Variants in CNBD1 observed in about 807,000 individuals in gnomAD.
The protein encoded by CNBD1 is cyclic nucleotide-binding domain-containing protein 1.
In CNBD1, 71 loss-of-function variants were observed where a neutral mutation model predicts 54.4. That is an observed-to-expected ratio of 1.30 (90% CI 1.08 to 1.59). CNBD1 has a LOEUF of 1.59. Among genes scored for constraint, CNBD1 ranks in the 40% most tolerant of loss-of-function variants. The pLI is 0.00. For missense variants in CNBD1, 659 were observed against 518.0 expected, an observed-to-expected ratio of 1.27 and a Z score of -2.64; for synonymous variants, 182 against 170.7, an observed-to-expected ratio of 1.07 and a Z score of -0.51.
intron 2 of CNBD1, among the ~76,000 whole-genome samples, chr8:87,426,329 A>T (rs976963687): frequency 6.6e-6 from 1 of 152,212 alleles, no homozygotes; most frequent in Admixed American, 6.5e-5. Flanking sequence ...CTATTCGGCC[A>T]TCTTGGCTCT....
chr8:87,328,175 C>A (rs1415103037), intron 8 of CNBD1, among the ~76,000 whole-genome samples: 1 of 151,926 alleles, frequency 6.6e-6, no homozygotes, highest in Non-Finnish European at 1.5e-5. Context: ...TGTGATGTTC[C>A]CTCCCTGTGT....
chr8:86,926,749 C>T (rs1809367697), intron 3 of CNBD1, among the ~76,000 whole-genome samples: 1 of 152,182 alleles, frequency 6.6e-6, no homozygotes, highest in Non-Finnish European at 1.5e-5. Flanking sequence ...CTGCCAAAGA[C>T]TCCACCTGGG....
chr8:87,109,540 CT>C (rs35541466), intron 4 of CNBD1, among the ~76,000 whole-genome samples: 107 of 107,942 alleles, frequency 9.9e-4, no homozygotes, highest in South Asian at 1.3e-3. Flanking sequence ...TTCTTTCTTT[CT>C]TTTTTTTTTT....
chr8:87,309,570 G>A (rs900732602), intron 8 of CNBD1, among the ~76,000 whole-genome samples: 3 of 152,042 alleles, frequency 2.0e-5, no homozygotes, highest in Non-Finnish European at 4.4e-5. Context: ...TCCTGCTCAA[G>A]ACTTACGATA....
At chr8:86,881,655 T>G (rs1224107802) in intron 1 of CNBD1, among the ~76,000 whole-genome samples, 1 of 152,012 alleles carries the variant, frequency 6.6e-6, no homozygotes, top group Non-Finnish European at 1.5e-5. Flanking sequence ...TTCACAAAAT[T>G]AGAAAAAACT....
At position 86,887,617 on chromosome 8, in the gene CNBD1, C is replaced by A; in HGVS notation, c.158+6C>A. The A allele has an allele frequency of 6.4e-7, 1 of 1,561,668 alleles. No individual in the cohort carries two copies. The highest frequency in any genetic ancestry group is 8.7e-7 in the Non-Finnish European group (1 of 1,147,578). Reference sequence around the variant, plus strand: ...CACATTAGAGGACAACACAGGTAAGCTATTCATGCATTTCTTTTTCTGTCA... The same window carrying A: ...CACATTAGAGGACAACACAGGTAAGATATTCATGCATTTCTTTTTCTGTCA... On this transcript the variant is annotated splice_donor_region_variant and intron_variant, in intron 2 of 10. Transcript: ENST00000518476.
intron 8 of CNBD1, among the ~76,000 whole-genome samples, chr8:87,329,311 C>G (rs1452811859): frequency 1.3e-5 from 2 of 152,080 alleles, no homozygotes; most frequent in South Asian, 2.1e-4. Context: ...TACTGCAGCT[C>G]TATTGTAACT....
intron 4 of CNBD1, among the ~76,000 whole-genome samples, chr8:87,039,931 G>A (rs1810028731): frequency 1.3e-5 from 2 of 152,264 alleles, no homozygotes; most frequent in African/African-American, 2.4e-5. Context: ...GTCAGTTCTT[G>A]GGTGGGGAGC....
intron 4 of CNBD1, among the ~76,000 whole-genome samples, chr8:86,972,239 C>T (rs988779932): frequency 2.0e-5 from 3 of 152,148 alleles, no homozygotes; most frequent in Non-Finnish European, 2.9e-5. Context: ...CTTGAGCCAC[C>T]GTGCCTGGCC....
chr8:87,291,810 A>G (rs1563540041), intron 8 of CNBD1, among the ~76,000 whole-genome samples: 1 of 152,082 alleles, frequency 6.6e-6, no homozygotes. Context: ...AACACTCATT[A>G]TGCTGTGTCA....
chr8:87,168,314 G>T (rs1158100105), intron 4 of CNBD1, among the ~76,000 whole-genome samples: 3 of 151,916 alleles, frequency 2.0e-5, no homozygotes, highest in Admixed American at 6.6e-5. Context: ...CATAGTAAAA[G>T]AATGTATTTA....
chr8:87,327,930 GTC>G (rs1376418773), intron 8 of CNBD1, among the ~76,000 whole-genome samples: 1 of 151,930 alleles, frequency 6.6e-6, no homozygotes, highest in Non-Finnish European at 1.5e-5. Flanking sequence ...TAAGGTAAGA[GTC>G]TGTGTGATTT....
intron 3 of CNBD1, among the ~76,000 whole-genome samples, chr8:86,906,014 C>T (rs1809011963): frequency 6.6e-6 from 1 of 152,150 alleles, no homozygotes; most frequent in African/African-American, 2.4e-5. Context: ...ATCTGTAAGA[C>T]TGTATTTTGC....
chr8:87,354,342 T>G (rs901575992), intron 10 of CNBD1, among the ~76,000 whole-genome samples: 11 of 152,180 alleles, frequency 7.2e-5, no homozygotes, highest in African/African-American at 2.7e-4. Flanking sequence ...GGGTACTTGG[T>G]GGATCCCAGG....
At chr8:87,019,734 C>A (rs569610905) in intron 4 of CNBD1, among the ~76,000 whole-genome samples, 1 of 151,912 alleles carries the variant, frequency 6.6e-6, no homozygotes, top group Non-Finnish European at 1.5e-5. Flanking sequence ...AAAAATTAGC[C>A]GGATGTGGTG....
At chr8:86,967,098 C>G (rs6986314) in intron 4 of CNBD1, among the ~76,000 whole-genome samples, 143,871 of 152,286 alleles carry the variant, frequency 0.94, 68,068 homozygotes, top group East Asian at 1. Flanking sequence ...CAGAAGCCCA[C>G]CCGGCTTCAC....
intron 6 of CNBD1, among the ~76,000 whole-genome samples, chr8:87,274,043 A>C (rs936189975): frequency 2.0e-5 from 3 of 151,370 alleles, no homozygotes; most frequent in African/African-American, 7.3e-5. Flanking sequence ...TTCTTGCGAT[A>C]GTTTACTGAG....
intron 2 of CNBD1, among the ~76,000 whole-genome samples, chr8:86,902,910 C>T (rs1410436543): frequency 2.0e-5 from 3 of 152,060 alleles, no homozygotes; most frequent in East Asian, 3.9e-4. Flanking sequence ...CATTTATTTA[C>T]AGATTTCACA....
intron 1 of CNBD1, among the ~76,000 whole-genome samples, chr8:86,880,731 A>G (rs1293588894): frequency 6.6e-6 from 1 of 152,196 alleles, no homozygotes; most frequent in Non-Finnish European, 1.5e-5. Context: ...AAAAAGAGAA[A>G]ACTTCAGGCC....
Sources: allele counts gnomAD v4.1 joint callset (sites outside exome capture counted in the v4.1 genomes callset), GRCh38; gene constraint gnomAD v4.1.1; transcripts MANE v1.5; gene names NCBI Gene and HGNC (gene_info 2026-07-23, HGNC 2026-07-21).